The following ITFG1 variants were observed in gnomAD, a reference collection of about 807,000 sequenced individuals.
The protein encoded by ITFG1 is integrin alpha FG-GAP repeat containing 1, also known as T-cell immunomodulatory protein.
A neutral mutation model predicts 81.8 loss-of-function variants in ITFG1; 34 were observed. The ratio of observed to expected loss-of-function variants is 0.42; its 90% CI spans 0.32 to 0.55. The LOEUF is 0.55. ITFG1 is among the 20% of genes least tolerant of loss of function. ITFG1 has a pLI of 0.17. For synonymous variants in ITFG1, 285 were observed against 270.6 expected (o/e 1.05, Z -0.52); for missense variants, 672 against 755.4 (o/e 0.89, Z 1.29).
At chr16:47,156,759 T>C (rs1022003792) in intron 17 of ITFG1, among the ~76,000 whole-genome samples, 2 of 152,090 alleles carry the variant, frequency 1.3e-5, no homozygotes, top group African/African-American at 4.8e-5. Flanking sequence ...TGATCAATCA[T>C]GAGAAGGCTG....
chr16:47,205,827 ATTAT>A (rs1210045776), intron 14 of ITFG1, among the ~76,000 whole-genome samples: 1 of 140,826 alleles, frequency 7.1e-6, no homozygotes, highest in Non-Finnish European at 1.5e-5. Flanking sequence ...CTGGAATTAA[ATTAT>A]CTATCTATCT....
intron 6 of ITFG1, among the ~76,000 whole-genome samples, chr16:47,427,651 A>C (rs1270668354): frequency 6.9e-6 from 1 of 144,966 alleles, no homozygotes; most frequent in East Asian, 1.9e-4. Flanking sequence ...TGATTCTAGG[A>C]ACATAGTAAC....
chr16:47,280,113 C>CT (rs1215622387), intron 10 of ITFG1, among the ~76,000 whole-genome samples: 1 of 151,982 alleles, frequency 6.6e-6, no homozygotes, highest in Non-Finnish European at 1.5e-5. Context: ...ATTTCTTATT[C>CT]TTGCTTTACT....
At chr16:47,278,037 A>G (rs1966416140) in intron 10 of ITFG1, among the ~76,000 whole-genome samples, 1 of 152,138 alleles carries the variant, frequency 6.6e-6, no homozygotes, top group Non-Finnish European at 1.5e-5. Context: ...GCATTAAACC[A>G]ATTATTTATT....
At chr16:47,163,009 G>A (rs1163550707) in intron 14 of ITFG1, among the ~76,000 whole-genome samples, 1 of 152,050 alleles carries the variant, frequency 6.6e-6, no homozygotes, top group Non-Finnish European at 1.5e-5. Flanking sequence ...GTCTTACTAT[G>A]TTGCCCGGCC....
chr16:47,210,313 T>C (rs1468615151), intron 14 of ITFG1, among the ~76,000 whole-genome samples: 3 of 152,218 alleles, frequency 2.0e-5, no homozygotes, highest in Admixed American at 6.5e-5. Flanking sequence ...CGTCTTTTCA[T>C]GTGCTAATTG....
At chr16:47,410,754 G>A (rs374600553) in intron 6 of ITFG1, among the ~76,000 whole-genome samples, 16 of 152,166 alleles carry the variant, frequency 1.1e-4, no homozygotes, top group Non-Finnish European at 1.9e-4. Context: ...CCCCATAGAC[G>A]TTGGAATTGG....
At chr16:47,238,524 C>A (rs1209572544) in intron 12 of ITFG1, among the ~76,000 whole-genome samples, 3 of 151,868 alleles carry the variant, frequency 2.0e-5, no homozygotes, top group Non-Finnish European at 2.9e-5. Flanking sequence ...AACAAATATA[C>A]AAAATAATGA....
chr16:47,288,350 A>AAT (rs1344032836), intron 10 of ITFG1, among the ~76,000 whole-genome samples: 1 of 152,200 alleles, frequency 6.6e-6, no homozygotes, highest in Admixed American at 6.5e-5. Context: ...TCTCTTGATG[A>AAT]ATAGTTAGGT....
chr16:47,337,637 T>C (rs1442147521), intron 8 of ITFG1, among the ~76,000 whole-genome samples: 1 of 152,148 alleles, frequency 6.6e-6, no homozygotes, highest in Non-Finnish European at 1.5e-5. Flanking sequence ...ACGTTAAGGA[T>C]TGTGAACAAA....
chr16:47,341,724 T>C (rs1375594997), intron 8 of ITFG1, among the ~76,000 whole-genome samples: 1 of 152,146 alleles, frequency 6.6e-6, no homozygotes, highest in Non-Finnish European at 1.5e-5. Context: ...ATAACTAAAG[T>C]AGCAAATGAA....
chr16:47,275,488 G>A (rs552253194), intron 10 of ITFG1, among the ~76,000 whole-genome samples: 11 of 152,202 alleles, frequency 7.2e-5, no homozygotes, highest in African/African-American at 2.4e-4. Flanking sequence ...TAAAAATCAC[G>A]TACATGCTGG....
At chr16:47,262,630 T>C (rs1003627368) in intron 10 of ITFG1, 2 of 152,378 alleles carry the variant, frequency 1.3e-5, no homozygotes, top group Admixed American at 6.5e-5. Context: ...ATTTCAAATA[T>C]ACAACAACCT....
chr16:47,308,100 A>G (rs1331289117), intron 10 of ITFG1, among the ~76,000 whole-genome samples: 2 of 152,226 alleles, frequency 1.3e-5, no homozygotes, highest in African/African-American at 2.4e-5. Context: ...TAGTGCCGCA[A>G]TGAACATACA....
At chr16:47,381,329 T>A (rs1048493415) in intron 6 of ITFG1, among the ~76,000 whole-genome samples, 2 of 152,212 alleles carry the variant, frequency 1.3e-5, no homozygotes, top group Non-Finnish European at 2.9e-5. Flanking sequence ...TCCTTCAGTG[T>A]GATGTCTCAA....
intron 5 of ITFG1, 87 bp downstream of exon 5, chr16:47,451,309 G>T: frequency 1.4e-6 from 1 of 699,498 alleles, no homozygotes; most frequent in East Asian, 2.6e-5. Context: ...TTAAAAACAA[G>T]GATTCCAATG....
At chr16:47,159,737 C>T (rs1420257973) in intron 16 of ITFG1, among the ~76,000 whole-genome samples, 1 of 152,056 alleles carries the variant, frequency 6.6e-6, no homozygotes, top group Non-Finnish European at 1.5e-5. Context: ...ACTTTTTGTT[C>T]TTCCTAGAAA....
chr16:47,364,979 C>T (rs1248929212), intron 8 of ITFG1, among the ~76,000 whole-genome samples: 1 of 152,248 alleles, frequency 6.6e-6, no homozygotes, highest in African/African-American at 2.4e-5. Flanking sequence ...GTACCCAGCT[C>T]AAACTCTAAC....
At chr16:47,264,396 C>T (rs923318512) in intron 10 of ITFG1, among the ~76,000 whole-genome samples, 6 of 152,120 alleles carry the variant, frequency 3.9e-5, no homozygotes, top group Non-Finnish European at 8.8e-5. Context: ...GAAGGTGTAC[C>T]AATTTAAGTC....
Sources: gnomAD v4.1 joint callset for allele counts (sites outside exome capture counted in the v4.1 genomes callset) on GRCh38, gnomAD v4.1.1 for gene constraint, MANE v1.5 for transcripts, NCBI Gene and HGNC (gene_info 2026-07-23, HGNC 2026-07-21) for gene names.